Variants in MROH7 observed in about 807,000 individuals in gnomAD.
MROH7 encodes maestro heat-like repeat-containing protein family member 7.
Under a neutral mutation model 129.2 loss-of-function variants are expected in MROH7, and 113 were observed. The observed-to-expected ratio is 0.87, with a 90% CI of 0.75 to 1.02. The LOEUF (loss-of-function observed/expected upper bound fraction) is 1.02, where lower values mean the gene tolerates loss of function less well. Ranked by LOEUF, MROH7 falls within the 50% of genes least tolerant of loss-of-function variation. MROH7 has a pLI of 0.00. For synonymous variants in MROH7, 655 were observed against 667.9 expected, an observed-to-expected ratio of 0.98 and a Z score of 0.30; for missense variants, 1,601 against 1,671.3, an observed-to-expected ratio of 0.96 and a Z score of 0.73.
intron 1 of MROH7, among the ~76,000 whole-genome samples, chr1:54,646,698 T>G (rs1644472661): frequency 6.6e-6 from 1 of 152,210 alleles, no homozygotes; most frequent in South Asian, 2.1e-4. Flanking sequence ...TGACAATTAC[T>G]GTGTTCATAA....
intron 11 of MROH7, 56 bp downstream of exon 11, chr1:54,678,910 C>A (rs767656269): frequency 8.3e-6 from 11 of 1,324,818 alleles, no homozygotes; most frequent in Non-Finnish European, 1.2e-5. Flanking sequence ...AGGGGCAGTG[C>A]CACCTGGCCC....
chr1:54,643,086 C>A (rs570550052), intron 1 of MROH7, among the ~76,000 whole-genome samples: 1 of 152,234 alleles, frequency 6.6e-6, no homozygotes, highest in South Asian at 2.1e-4. Context: ...ATAGGGGTAA[C>A]AAGATAGCCA....
At chr1:54,656,248 A>C (rs948783381) in intron 3 of MROH7, among the ~76,000 whole-genome samples, 2 of 150,310 alleles carry the variant, frequency 1.3e-5, no homozygotes, top group African/African-American at 4.9e-5. Context: ...GTGGTGGCTC[A>C]CGCCTGTAAT....
At chr1:54,704,229 G>A (rs1043222971) in intron 21 of MROH7, among the ~76,000 whole-genome samples, 1 of 152,162 alleles carries the variant, frequency 6.6e-6, no homozygotes. Context: ...TCTGGAGGAA[G>A]TGCTTGGCCA....
chr1:54,642,318 C>G (rs1644401190), intron 1 of MROH7, among the ~76,000 whole-genome samples: 1 of 152,170 alleles, frequency 6.6e-6, no homozygotes, highest in Non-Finnish European at 1.5e-5. Flanking sequence ...GGCATCTGTC[C>G]AGGTCCACAC....
chr1:54,701,146 G>A lies in MROH7; in HGVS notation c.3109G>A (p.Ala1037Thr), dbSNP rs973469578. 6.2e-6 allele frequency: 10 copies of A among 1,613,298 alleles called. No individual in the cohort carries two copies. Among genetic ancestry groups the A allele is most frequent in the Admixed American group, 3.3e-5 (2 of 60,002 alleles). ...VILARRSEKTAKVKALLPSMV... is the reference protein window; with the variant it reads ...VILARRSEKTTKVKALLPSMV... ...CCCAAATGCTCCTGCCCCACAGACC[G>A]CCAAGGTGAAGGCCCTCCTGCCCTC... The change falls in exon 19 of 24, where the codon GCC becomes ACC. Residue 1037 changes from alanine to threonine, a missense_variant. Coordinates refer to ENST00000421030, the MANE Select transcript of MROH7 (RefSeq NM_001039464.4).
At chr1:54,666,154 C>A (rs1180086053) in intron 4 of MROH7, among the ~76,000 whole-genome samples, 1 of 152,156 alleles carries the variant, frequency 6.6e-6, no homozygotes, top group Non-Finnish European at 1.5e-5. Flanking sequence ...ACCATGGCGC[C>A]TGCAAAAAGA....
intron 14 of MROH7, among the ~76,000 whole-genome samples, chr1:54,685,286 G>T (rs1645130234): frequency 6.6e-6 from 1 of 152,220 alleles, no homozygotes; most frequent in Admixed American, 6.5e-5. Context: ...CTCCCAAAGT[G>T]CTGGGATTAC....
chr1:54,653,181 C>G lies in MROH7; in HGVS notation c.255C>G (p.Asp85Glu), dbSNP rs1427353483. Residue 85 changes from aspartate to glutamate, a missense_variant, in exon 3 of 24, where the codon GAC becomes GAG. By Grantham distance (45) the Asp-to-Glu change is conservative. Coordinates refer to ENST00000421030, the MANE Select transcript of MROH7 (RefSeq NM_001039464.4). The stretch of plus-strand genomic sequence containing the variant: ...CTGAAAACACCCCCAGACCTGATGA[C>G]AGCAGAGCTATCGCTCCAGCCTCCC... The part of the protein sequence containing the change: ...LVSENTPRPD[D>E]SRAIAPASLQ... 1 of 1,614,198 alleles carries G rather than the reference C, an allele frequency of 6.2e-7. No homozygotes were observed. Among genetic ancestry groups the G allele is most frequent in the South Asian group, 1.1e-5 (1 of 91,088 alleles).
At chr1:54,676,907 C>G (rs551082052) in intron 10 of MROH7, among the ~76,000 whole-genome samples, 1 of 151,990 alleles carries the variant, frequency 6.6e-6, no homozygotes, top group African/African-American at 2.4e-5. Context: ...TGGGGTTTCA[C>G]CATGTTGGTC....
At chr1:54,692,356 GGGT>G in intron 15 of MROH7, 65 bp from the exon 16 acceptor site, 1 of 1,589,708 alleles carries the variant, frequency 6.3e-7, no homozygotes, top group Non-Finnish European at 8.6e-7. Context: ...GGAGAGGCCG[GGGT>G]GGAGGGAGGC....
chr1:54,704,930 G>A (rs1280454379), intron 21 of MROH7, among the ~76,000 whole-genome samples: 1 of 150,212 alleles, frequency 6.7e-6, no homozygotes, highest in South Asian at 2.1e-4. Flanking sequence ...CTCCTGCGTA[G>A]CTGGGATTAC....
Position 54,703,717 on chromosome 1 carries a change from G to T in MROH7, c.3564+972G>T, listed in dbSNP as rs545860795. Among the ~76,000 whole-genome samples, 3 of 152,228 alleles carry T rather than the reference G, an allele frequency of 2.0e-5. No individual in the cohort carries two copies. Among genetic ancestry groups the T allele is most frequent in the Admixed American group, 6.5e-5 (1 of 15,290 alleles). On this transcript the variant is annotated intron_variant, in intron 21 of 23. Coordinates refer to ENST00000421030, the MANE Select transcript of MROH7 (RefSeq NM_001039464.4). The surrounding 1 kb of genome is among the most constrained non-coding windows in gnomAD (Gnocchi z 4.4). ...CTCCATATGTCATTTGGGAGGATTT[G>T]CCCGCGGTCTCAATCTACCTTCCCT...
rs1172956721 is a variant in MROH7, at chr1:54,653,939, GC to G, written c.1015del (p.Leu339TrpfsTer13). 1 of 1,614,164 alleles carries G rather than the reference GC, an allele frequency of 6.2e-7. No individual in the cohort carries two copies. The highest frequency in any genetic ancestry group is 1.7e-5 in the Admixed American group (1 of 60,012). On this transcript the variant is annotated frameshift_variant, in exon 3 of 24. Transcript: ENST00000421030. LOFTEE classifies it high-confidence loss of function. ...ATCCTGGGTTCCAATGAGACTCTGA[GC>G]CTGGACTCCAGCCTCCTGTTCAGCG... ...TLILGSNETL[S>X]LDSSLLFSDT...
chr1:54,646,625 T>G (rs1644471327), intron 1 of MROH7, among the ~76,000 whole-genome samples: 1 of 152,202 alleles, frequency 6.6e-6, no homozygotes, highest in African/African-American at 2.4e-5. Context: ...TTGACAACCT[T>G]GTCTATCACA....
chr1:54,653,837 C>G lies in MROH7; in HGVS notation c.911C>G (p.Ser304Cys). The change falls in exon 3 of 24, where the codon TCC (serine) becomes TGC (cysteine). Residue 304 changes from serine (S) to cysteine (C), a missense_variant. Ser to Cys is a moderately radical substitution (Grantham distance 112, BLOSUM62 -1). Transcript: ENST00000421030. The stretch of plus-strand genomic sequence containing the variant: ...TCGTATGTGACCCTGATTCCTGGCT[C>G]CAGCTATGGTATCAGCCTGCACTCC... Reference protein sequence around the residue: ...QASYVTLIPGSSYGISLHSST... With the variant: ...QASYVTLIPGCSYGISLHSST... 6.2e-7 allele frequency: 1 copy of G among 1,614,122 alleles called. No homozygotes were observed. The highest frequency in any genetic ancestry group is 8.5e-7 in the Non-Finnish European group (1 of 1,179,968).
At chr1:54,709,110 GGACAGTGA>G (rs1440503813) in intron 23 of MROH7, 34 bp downstream of exon 23, 5 of 1,602,466 alleles carry the variant, frequency 3.1e-6, no homozygotes, top group Non-Finnish European at 4.3e-6. Flanking sequence ...AAATTTCAGG[GGACAGTGA>G]GACAGTGAGT....
intron 17 of MROH7, among the ~76,000 whole-genome samples, chr1:54,696,588 G>A (rs937508826): frequency 2.0e-5 from 3 of 149,134 alleles, no homozygotes; most frequent in Non-Finnish European, 4.4e-5. Flanking sequence ...GTCCTTTTGT[G>A]CCTGGCTGTT....
chr1:54,670,763 T>A, intron 6 of MROH7, 37 bp from the exon 7 acceptor site: 1 of 1,589,198 alleles, frequency 6.3e-7, no homozygotes, highest in Non-Finnish European at 8.6e-7. Context: ...AGGGCCCCTC[T>A]CTCACTCCAT....
Sources: allele counts gnomAD v4.1 joint callset (sites outside exome capture counted in the v4.1 genomes callset), GRCh38; gene constraint gnomAD v4.1.1; non-coding constraint Gnocchi (gnomAD v3.1); transcripts MANE v1.5; gene names NCBI Gene and HGNC (gene_info 2026-07-23, HGNC 2026-07-21).